The following PTPN4 variants were observed in gnomAD, a reference collection of about 807,000 sequenced individuals.
The protein encoded by PTPN4 is tyrosine-protein phosphatase non-receptor type 4.
PTPN4 carries 49 observed loss-of-function variants against 135.5 expected under a neutral mutation model. The ratio of observed to expected loss-of-function variants is 0.36; its 90% CI spans 0.29 to 0.46. PTPN4 has a LOEUF of 0.46. Ranked by LOEUF, PTPN4 falls within the 20% of genes least tolerant of loss-of-function variation. PTPN4 has a pLI of 1.00. For missense variants in PTPN4, 860 were observed against 1,101.0 expected (o/e 0.78, Z 3.10); for synonymous variants, 333 against 369.9 (o/e 0.90, Z 1.14).
chr2:119,846,949 C>T (rs1485600703), intron 2 of PTPN4, among the ~76,000 whole-genome samples: 2 of 150,964 alleles, frequency 1.3e-5, no homozygotes, highest in African/African-American at 2.4e-5. Context: ...AAAATATATT[C>T]TGTAAAATTA....
intron 26 of PTPN4, among the ~76,000 whole-genome samples, chr2:119,970,887 T>G (rs910111407): frequency 1.4e-4 from 21 of 152,262 alleles, no homozygotes; most frequent in South Asian, 2.1e-4. Context: ...CCAAAATTTC[T>G]GTACCATTTT....
At chr2:119,974,060 TC>T (rs1350115782) in intron 26 of PTPN4, among the ~76,000 whole-genome samples, 2 of 152,340 alleles carry the variant, frequency 1.3e-5, no homozygotes, top group East Asian at 3.9e-4. Flanking sequence ...TTTGATTCTT[TC>T]CCTTTATCTA....
chr2:119,790,782 G>T (rs1199334176), intron 1 of PTPN4, among the ~76,000 whole-genome samples: 2 of 151,996 alleles, frequency 1.3e-5, no homozygotes, highest in African/African-American at 2.4e-5. Flanking sequence ...GTTTGTTGTT[G>T]TATGTTGATA....
intron 8 of PTPN4, among the ~76,000 whole-genome samples, chr2:119,884,240 T>C (rs1473029254): frequency 6.6e-6 from 1 of 152,242 alleles, no homozygotes; most frequent in African/African-American, 2.4e-5. Flanking sequence ...AAGATTGTTA[T>C]GTAGATTTTA....
At chr2:119,816,014 C>A (rs1244288855) in intron 2 of PTPN4, among the ~76,000 whole-genome samples, 1 of 152,134 alleles carries the variant, frequency 6.6e-6, no homozygotes, top group Non-Finnish European at 1.5e-5. Context: ...AGTCACGCAT[C>A]ACTTAACAAC....
chr2:119,893,186 T>G (rs1678266205), intron 9 of PTPN4, among the ~76,000 whole-genome samples: 2 of 152,152 alleles, frequency 1.3e-5, no homozygotes, highest in African/African-American at 2.4e-5. Context: ...ACTGTTGGAG[T>G]GATCCAGGTG....
At chr2:119,801,841 G>GTTTAA (rs1691377837) in intron 1 of PTPN4, among the ~76,000 whole-genome samples, 1 of 139,170 alleles carries the variant, frequency 7.2e-6, no homozygotes, top group African/African-American at 2.6e-5. Context: ...CTGCAAAAAT[G>GTTTAA]TTTAATTTAT....
intron 19 of PTPN4, among the ~76,000 whole-genome samples, chr2:119,952,761 G>A (rs999219316): frequency 1.1e-4 from 17 of 152,238 alleles, no homozygotes; most frequent in African/African-American, 3.6e-4. Flanking sequence ...TAGAATTCCA[G>A]GTTTGGAGAA....
intron 13 of PTPN4, among the ~76,000 whole-genome samples, chr2:119,929,454 T>A (rs769009120): frequency 5.9e-5 from 9 of 152,138 alleles, no homozygotes; most frequent in Non-Finnish European, 1.0e-4. Context: ...TTTTCTTTTT[T>A]CTGATTATCA....
chr2:119,814,483 C>T (rs1300172884), intron 2 of PTPN4, among the ~76,000 whole-genome samples: 2 of 152,114 alleles, frequency 1.3e-5, no homozygotes, highest in African/African-American at 4.8e-5. Context: ...TTTTTCAGTC[C>T]TGACCCTGCC....
chr2:119,943,625 G>C (rs1368664421), intron 15 of PTPN4, among the ~76,000 whole-genome samples: 150 of 116,112 alleles, frequency 1.3e-3, no homozygotes, highest in Admixed American at 3.5e-3. Context: ...TTGCTCTGTC[G>C]CCCAAGTTGG....
At chr2:119,770,243 G>C (rs1574324048) in intron 1 of PTPN4, among the ~76,000 whole-genome samples, 1 of 152,208 alleles carries the variant, frequency 6.6e-6, no homozygotes, top group Non-Finnish European at 1.5e-5. Flanking sequence ...AAATGGTACA[G>C]ATAAGTCATA....
chr2:119,964,253 A>G (rs1167533613), intron 24 of PTPN4, among the ~76,000 whole-genome samples: 1 of 152,198 alleles, frequency 6.6e-6, no homozygotes, highest in African/African-American at 2.4e-5. Context: ...GATCCTTTAA[A>G]GTATAGATGT....
At position 119,984,153 on chromosome 2, in the gene PTPN4, CA is replaced by C. The variant is rs1392742630; in HGVS notation, c.*7086del. Among the ~76,000 whole-genome samples the C allele has an allele frequency of 2.6e-5, 4 of 152,104 alleles. No homozygotes were observed. Among genetic ancestry groups the C allele is most frequent in the Non-Finnish European group, 5.9e-5 (4 of 67,996 alleles). On this transcript the variant is annotated 3_prime_UTR_variant, in exon 27 of 27. Transcript: ENST00000263708. ...GTTGTAATCTATGTTGTAATCTTTT[CA>C]AATAAGAAAAGCTACTCCTTATTCT...
intron 18 of PTPN4, among the ~76,000 whole-genome samples, chr2:119,950,041 TAA>T (rs1431587752): frequency 6.6e-6 from 1 of 152,212 alleles, no homozygotes; most frequent in East Asian, 1.9e-4. Context: ...ATATTAACTA[TAA>T]GAGAGTTCCC....
intron 2 of PTPN4, among the ~76,000 whole-genome samples, chr2:119,844,282 C>T (rs1257312652): frequency 8.4e-5 from 10 of 118,480 alleles, no homozygotes; most frequent in Non-Finnish European, 1.8e-4. Context: ...GCGGAGGGCT[C>T]ACCCCCCCAC....
rs547812238 is a variant in PTPN4, at chr2:119,798,772, A to T, written c.-17-11065A>T. Among the ~76,000 whole-genome samples, 42 of 152,362 alleles carry T rather than the reference A, an allele frequency of 2.8e-4. 1 individual carries two copies. Among genetic ancestry groups the T allele is most frequent in the Non-Finnish European group, 4.6e-4 (31 of 68,042 alleles). ...ATTTATTTGGATAGATTAATACCAT[A>T]TTCAGGTAGGTTCTCCAAATATACT... On this transcript the variant is annotated intron_variant, in intron 1 of 26. Coordinates refer to ENST00000263708, the MANE Select transcript of PTPN4 (RefSeq NM_002830.4).
At chr2:119,886,012 C>A in intron 9 of PTPN4, 130 bp downstream of exon 9, 1 of 589,190 alleles carries the variant, frequency 1.7e-6, no homozygotes, top group Non-Finnish European at 2.9e-6. Context: ...AAAATTTCCT[C>A]TGAATTTAAG....
chr2:119,889,568 C>A (rs1374538316), intron 9 of PTPN4, among the ~76,000 whole-genome samples: 2 of 152,080 alleles, frequency 1.3e-5, no homozygotes, highest in African/African-American at 4.8e-5. Context: ...TTTTGAAGAA[C>A]CAACTTTTTG....
Sources: gnomAD v4.1 joint callset for allele counts (sites outside exome capture counted in the v4.1 genomes callset) on GRCh38, gnomAD v4.1.1 for gene constraint, MANE v1.5 for transcripts, NCBI Gene and HGNC (gene_info 2026-07-23, HGNC 2026-07-21) for gene names.